Variants in PCDH11X observed in about 807,000 individuals in gnomAD.
PCDH11X encodes the protein protocadherin 11 X-linked.
PCDH11X carries 18 observed loss-of-function variants against 53.3 expected under a neutral mutation model. That is an observed-to-expected ratio of 0.34 (90% CI 0.23 to 0.50). PCDH11X has a LOEUF of 0.50. PCDH11X is among the 20% of genes least tolerant of loss of function. The pLI, the probability that PCDH11X is intolerant of heterozygous loss-of-function variation, is 0.98. For synonymous variants in PCDH11X, 279 were observed against 393.3 expected, an observed-to-expected ratio of 0.71 and a Z score of 3.44; for missense variants, 570 against 1,032.4, an observed-to-expected ratio of 0.55 and a Z score of 6.14.
intron 9 of PCDH11X, among the ~76,000 whole-genome samples, chrX:92,462,694 G>A (rs1032107113): frequency 4.2e-4 from 46 of 108,786 alleles, no homozygotes; most frequent in Non-Finnish European, 7.6e-4. Flanking sequence ...TGTAACCAGT[G>A]CCTTAGTAGG....
At position 92,170,858 on chromosome X, in the gene PCDH11X, C is replaced by T. The variant is rs772168933; in HGVS notation, c.3034-30517C>T. On this transcript the variant is annotated intron_variant, in intron 6 of 10. Transcript: ENST00000682573. The stretch of plus-strand genomic sequence containing the variant: ...CCAGGCTGGAGTGCAATGGTGCAAT[C>T]TCGGCTCATTGCAACCTCTCCCTCC... Among the ~76,000 whole-genome samples, 7 of 93,135 alleles carry T rather than the reference C, an allele frequency of 7.5e-5. No individual in the cohort carries two copies. The South Asian group carries it at 3.7e-3, about 49-fold the overall frequency. 80.9% of individuals were successfully genotyped at this position (93,135 alleles called of 115,157 possible).
intron 9 of PCDH11X, among the ~76,000 whole-genome samples, chrX:92,412,747 T>C (rs1442603241): frequency 6.5e-5 from 7 of 107,723 alleles, no homozygotes; most frequent in Admixed American, 3.0e-4. Flanking sequence ...TTATTACCTA[T>C]TATCAATTTT....
chrX:92,552,051 T>G (rs2074968604), intron 10 of PCDH11X, among the ~76,000 whole-genome samples: 1 of 101,889 alleles, frequency 9.8e-6, no homozygotes, highest in South Asian at 4.9e-4. Context: ...TGATTCCATA[T>G]AAGATTCAGG....
intron 6 of PCDH11X, among the ~76,000 whole-genome samples, chrX:91,960,658 A>G (rs1462155105): frequency 9.0e-6 from 1 of 111,332 alleles, no homozygotes; most frequent in East Asian, 2.8e-4. Context: ...TCCTGATCTC[A>G]GGTGATCCAC....
intron 8 of PCDH11X, among the ~76,000 whole-genome samples, chrX:92,335,713 C>T (rs1471274362): frequency 9.0e-6 from 1 of 111,523 alleles, no homozygotes; most frequent in Non-Finnish European, 1.9e-5. Flanking sequence ...AAACATTGTG[C>T]AGAAAATTTC....
At chrX:92,617,322 C>G (rs1391471128) in intron 10 of PCDH11X, among the ~76,000 whole-genome samples, 1 of 111,622 alleles carries the variant, frequency 9.0e-6, no homozygotes, top group Non-Finnish European at 1.9e-5. Context: ...CCATCAAGTT[C>G]TAAGGAGTAT....
intron 5 of PCDH11X, among the ~76,000 whole-genome samples, chrX:91,840,556 A>G (rs1164773751): frequency 9.0e-6 from 1 of 111,569 alleles, no homozygotes; most frequent in Non-Finnish European, 1.9e-5. Context: ...GCTGGACTGG[A>G]TTTATGAAAC....
intron 6 of PCDH11X, among the ~76,000 whole-genome samples, chrX:92,136,349 G>A (rs2065083026): frequency 9.1e-6 from 1 of 110,443 alleles, no homozygotes. Flanking sequence ...AAAGGGAAGA[G>A]GAATAGGAGA....
intron 7 of PCDH11X, among the ~76,000 whole-genome samples, chrX:92,259,894 A>T (rs2148411117): frequency 9.0e-6 from 1 of 111,423 alleles, no homozygotes; most frequent in Admixed American, 9.5e-5. Flanking sequence ...ATTGCTGGGG[A>T]GTTAGGGCCT....
At chrX:92,357,954 G>A (rs539350501) in intron 8 of PCDH11X, among the ~76,000 whole-genome samples, 6 of 110,930 alleles carry the variant, frequency 5.4e-5, no homozygotes, top group East Asian at 2.9e-4. Flanking sequence ...AAAGCAAAAC[G>A]CATGCAGGAT....
chrX:92,421,060 T>A (rs1434450067), intron 9 of PCDH11X, among the ~76,000 whole-genome samples: 1 of 111,902 alleles, frequency 8.9e-6, no homozygotes, highest in Non-Finnish European at 1.9e-5. Flanking sequence ...CTCTTGCCTC[T>A]GTCATCTCCG....
chrX:92,053,557 C>A (rs955840881), intron 6 of PCDH11X, among the ~76,000 whole-genome samples: 1 of 100,828 alleles, frequency 9.9e-6, no homozygotes, highest in Non-Finnish European at 2.0e-5. Context: ...AGCGGAAGAA[C>A]CGACATTGAA....
intron 7 of PCDH11X, among the ~76,000 whole-genome samples, chrX:92,224,929 G>C (rs757914184): frequency 9.0e-6 from 1 of 111,606 alleles, no homozygotes; most frequent in Non-Finnish European, 1.9e-5. Context: ...AGAATTCAGT[G>C]GGTGTCCTCC....
chrX:92,285,281 T>G (rs1221213169), intron 8 of PCDH11X, among the ~76,000 whole-genome samples: 1 of 99,853 alleles, frequency 1.0e-5, no homozygotes, highest in Admixed American at 1.1e-4. Flanking sequence ...GAGACGGAGT[T>G]TCACTCTTGT....
At chrX:91,895,825 TATA>T (rs1363742621) in intron 6 of PCDH11X, among the ~76,000 whole-genome samples, 5 of 107,234 alleles carry the variant, frequency 4.7e-5, no homozygotes, top group Non-Finnish European at 9.6e-5. Context: ...ATATTACATG[TATA>T]ATATGTAATA....
intron 10 of PCDH11X, among the ~76,000 whole-genome samples, chrX:92,585,333 T>C (rs1474706960): frequency 9.2e-6 from 1 of 109,112 alleles, no homozygotes. Flanking sequence ...AATTGTCCTT[T>C]CCAAATTCAA....
intron 6 of PCDH11X, among the ~76,000 whole-genome samples, chrX:91,987,489 T>A (rs1333894056): frequency 1.8e-5 from 2 of 111,600 alleles, no homozygotes; most frequent in Admixed American, 1.9e-4. Context: ...CAGGTGCTTA[T>A]TTATTTTAAA....
At chrX:92,094,915 C>T (rs1427616274) in intron 6 of PCDH11X, among the ~76,000 whole-genome samples, 3 of 111,502 alleles carry the variant, frequency 2.7e-5, no homozygotes, top group African/African-American at 9.8e-5. Flanking sequence ...TGATGTCACT[C>T]CACAAACACA....
chrX:92,210,657 A>G (rs1053415079), intron 7 of PCDH11X, among the ~76,000 whole-genome samples: 2 of 111,855 alleles, frequency 1.8e-5, no homozygotes, highest in African/African-American at 6.5e-5. Flanking sequence ...TTGTTTATGC[A>G]AGTGAATATA....
Sources: allele counts gnomAD v4.1 joint callset (sites outside exome capture counted in the v4.1 genomes callset), GRCh38; gene constraint gnomAD v4.1.1; transcripts MANE v1.5; gene names NCBI Gene and HGNC (gene_info 2026-07-23, HGNC 2026-07-21).